KIF5A: variants seen among roughly 807,000 people sequenced by gnomAD.
The protein encoded by KIF5A is kinesin heavy chain isoform 5A.
In KIF5A, 35 loss-of-function variants were observed where a neutral mutation model predicts 141.3. That is an observed-to-expected ratio of 0.25 (90% confidence interval 0.19 to 0.33). KIF5A has a LOEUF of 0.33. Among genes scored for constraint, KIF5A ranks in the 10% least tolerant of loss-of-function variants. KIF5A has a pLI of 1.00. For synonymous variants in KIF5A, 448 were observed against 500.2 expected, an observed-to-expected ratio of 0.90 and a Z score of 1.39; for missense variants, 861 against 1,314.3, an observed-to-expected ratio of 0.66 and a Z score of 5.33.
Position 57,550,485 on chromosome 12 carries a change from C to G in KIF5A, c.129+85C>G. On this transcript the variant is annotated intron_variant, in intron 1 of 28. Transcript: ENST00000455537. This position sits in a 1 kb window ranked among gnomAD's most constrained non-coding sequence, Gnocchi z 4.6. ...CCGCAGAGCCTTAGTCTCTGCTGGT[C>G]CCTTTGCTCCCCCTCCCCGCCGCTC... The G allele has an allele frequency of 4.4e-6, 6 of 1,369,964 alleles. No homozygotes were observed. The highest frequency in any genetic ancestry group is 1.0e-6 in the Non-Finnish European group (1 of 973,654). The allele number at this position is 1,369,964 out of a possible 1,614,324, so 84.9% of individuals were successfully genotyped here.
intron 26 of KIF5A, 67 bp from the exon 27 acceptor site, chr12:57,582,535 C>T (rs1882636557): frequency 2.3e-6 from 3 of 1,304,088 alleles, no homozygotes; most frequent in Admixed American, 3.4e-5. Flanking sequence ...TTTGCGCAAA[C>T]TGTTTCTAAC....
At chr12:57,562,339 CGG>C (rs1881933320) in intron 1 of KIF5A, among the ~76,000 whole-genome samples, 1 of 152,174 alleles carries the variant, frequency 6.6e-6, no homozygotes, top group African/African-American at 2.4e-5. Flanking sequence ...CCTCAGCCTC[CGG>C]CGTAGCTGGG....
intron 28 of KIF5A, among the ~76,000 whole-genome samples, chr12:57,583,431 C>T (rs984207732): frequency 5.3e-5 from 8 of 152,128 alleles, no homozygotes; most frequent in African/African-American, 1.7e-4. Flanking sequence ...TTTTGCTTTC[C>T]GTTAGGCTAC....
In KIF5A at chr12:57,572,712, G is replaced by A. The variant is rs763336788; in HGVS notation, c.1702G>A (p.Gly568Arg). Residue 568 changes from glycine to arginine, a missense_variant, in exon 15 of 29, where the codon GGG becomes AGG. Around this residue, in one of 5 missense-constraint regions of KIF5A, gnomAD observed 482 missense variants for 661.3 expected, o/e 0.73. Transcript: ENST00000455537. The surrounding 1 kb of genome is among the most constrained non-coding windows in gnomAD (Gnocchi z 4.2). Reference protein sequence around the residue: ...LSEFSVIVGNGEIKLPVEISG... With the variant: ...LSEFSVIVGNREIKLPVEISG... ...CGAGTTCAGTGTCATTGTGGGCAAC[G>A]GGGAGATTAAGCTGGTGAGTGGTGA... The A allele has an allele frequency of 3.1e-6, 5 of 1,614,162 alleles. No homozygotes were observed. Among genetic ancestry groups the A allele is most frequent in the Admixed American group, 3.3e-5 (2 of 60,016 alleles).
At position 57,586,242 on chromosome 12, in the gene KIF5A, T is replaced by C. The variant is rs960048868; in HGVS notation, c.*2061T>C. ...GCACTTAAGAATCCAGGGGGTTTTA[T>C]GTAATGTTGCCACCACATGGTTCTT... On this transcript the variant is annotated 3_prime_UTR_variant, in exon 29 of 29. Coordinates refer to ENST00000455537, the MANE Select transcript of KIF5A (RefSeq NM_004984.4). The C allele has an allele frequency of 6.6e-6, 1 of 152,178 alleles. No individual in the cohort carries two copies. The highest frequency in any genetic ancestry group is 2.4e-5 in the African/African-American group (1 of 41,434). The allele number at this position is 152,178 out of a possible 1,614,324, so 9.4% of individuals were successfully genotyped here.
intron 8 of KIF5A, among the ~76,000 whole-genome samples, chr12:57,568,566 A>G (rs1280581705): frequency 6.6e-6 from 1 of 152,114 alleles, no homozygotes; most frequent in East Asian, 1.9e-4. Flanking sequence ...TCTCTACAAA[A>G]AATGCAAAAT....
At chr12:57,562,588 T>C (rs1229197412) in intron 1 of KIF5A, among the ~76,000 whole-genome samples, 21 of 152,192 alleles carry the variant, frequency 1.4e-4, no homozygotes, top group Non-Finnish European at 7.3e-5. Flanking sequence ...ATATATTCCT[T>C]TCACAAAGAG....
At position 57,567,516 on chromosome 12, in the gene KIF5A, G is replaced by T. The variant is rs549574149; in HGVS notation, c.612G>T (p.Arg204=). The stretch of plus-strand genomic sequence containing the variant: ...CAGACATGAATGAACACAGCTCTCG[G>T]AGCCACAGCATCTTCCTCATCAACA... The part of the protein sequence containing the change: ...AVTNMNEHSS[R]SHSIFLINIK... The change falls in exon 8 of 29, where the codon CGG becomes CGT. Residue 204 remains arginine, a synonymous_variant. Transcript: ENST00000455537. The T allele has an allele frequency of 1.2e-6, 2 of 1,613,470 alleles. No homozygotes were observed. The highest frequency in any genetic ancestry group is 2.2e-5 in the South Asian group (2 of 91,010).
intron 1 of KIF5A, among the ~76,000 whole-genome samples, chr12:57,551,146 T>C (rs1250219489): frequency 6.6e-6 from 1 of 152,086 alleles, no homozygotes; most frequent in East Asian, 1.9e-4. Context: ...ATCCTTTCTC[T>C]TGAGGATCCA....
chr12:57,570,094 A>T lies in KIF5A; in HGVS notation c.1225A>T (p.Ile409Phe). Residue 409 changes from isoleucine to phenylalanine, a missense_variant, in exon 12 of 29, where the codon ATC becomes TTC. Transcript: ENST00000455537. ...VNDNSSIVVRIAPEERQKYEE... is the reference protein window; with the variant it reads ...VNDNSSIVVRFAPEERQKYEE... ...TGACAACTCATCCATCGTGGTGCGCATCGCGCCCGAGGAGCGGCAGAAATA... is the reference window on the plus strand; with the variant it reads ...TGACAACTCATCCATCGTGGTGCGCTTCGCGCCCGAGGAGCGGCAGAAATA... 1 of 1,614,194 alleles carries T rather than the reference A, an allele frequency of 6.2e-7. No homozygotes were observed. Among genetic ancestry groups the T allele is most frequent in the Non-Finnish European group, 8.5e-7 (1 of 1,180,036 alleles).
intron 1 of KIF5A, among the ~76,000 whole-genome samples, chr12:57,554,872 G>T (rs953643693): frequency 1.3e-5 from 2 of 152,196 alleles, no homozygotes; most frequent in African/African-American, 4.8e-5. Context: ...CCATGGGGAA[G>T]GCACCAAGCC....
At position 57,570,081 on chromosome 12, in the gene KIF5A, C is replaced by T. The variant is rs1882203089; in HGVS notation, c.1212C>T (p.Ser404=). ...CEETPVNDNS[S]IVVRIAPEER... ...AGACCCCTGTGAATGACAACTCATC[C>T]ATCGTGGTGCGCATCGCGCCCGAGG... is the stretch of plus-strand genomic sequence containing the variant. The change falls in exon 12 of 29, where the codon TCC becomes TCT. Residue 404 remains serine (S), a synonymous_variant. Transcript: ENST00000455537. The T allele has an allele frequency of 2.5e-6, 4 of 1,614,072 alleles. No homozygotes were observed. The highest frequency in any genetic ancestry group is 3.4e-6 in the Non-Finnish European group (4 of 1,180,046).
At position 57,584,860 on chromosome 12, in the gene KIF5A, C is replaced by G. The variant is rs967830457; in HGVS notation, c.*679C>G. The G allele has an allele frequency of 6.6e-6, 1 of 152,276 alleles. No homozygotes were observed. Among genetic ancestry groups the G allele is most frequent in the Non-Finnish European group, 1.5e-5 (1 of 68,090 alleles). 9.4% of individuals were successfully genotyped at this position (152,276 alleles called of 1,614,324 possible). ...TTTGCCTCCCTCTTCCTGTTTTCCC[C>G]TGGACTGAGAAATGGGTTGCTCAAG... On this transcript the variant is annotated 3_prime_UTR_variant, in exon 29 of 29. Transcript: ENST00000455537.
chr12:57,583,340 C>T (rs2140173213), intron 28 of KIF5A, 125 bp downstream of exon 28: 1 of 655,150 alleles, frequency 1.5e-6, no homozygotes, highest in East Asian at 2.7e-5. Context: ...TATGTAGTTA[C>T]CCCTCAACTC....
rs1369724475 is a variant in KIF5A, at chr12:57,582,882, G to C, written c.3021-219G>C. The C allele has an allele frequency of 6.3e-6, 4 of 638,150 alleles. No homozygotes were observed. The African/African-American group carries it at 7.3e-5, about 12-fold the overall frequency. 39.5% of individuals were successfully genotyped at this position (638,150 alleles called of 1,614,324 possible). ...ATAAGGTCTGGACGAAAACAACGTGGGCATCTGACGACTGGGTTTCTCTCC... is the reference window on the plus strand; with the variant it reads ...ATAAGGTCTGGACGAAAACAACGTGCGCATCTGACGACTGGGTTTCTCTCC... On this transcript the variant is annotated intron_variant, in intron 27 of 28. Coordinates refer to ENST00000455537, the MANE Select transcript of KIF5A (RefSeq NM_004984.4).
chr12:57,561,656 G>T (rs1169836315), intron 1 of KIF5A, among the ~76,000 whole-genome samples: 1 of 152,054 alleles, frequency 6.6e-6, no homozygotes, highest in African/African-American at 2.4e-5. Flanking sequence ...AAGAATAAAC[G>T]ATTATTTCTT....
At chr12:57,575,969 C>T in intron 17 of KIF5A, 118 bp from the exon 18 acceptor site, 1 of 1,037,280 alleles carries the variant, frequency 9.6e-7, no homozygotes, top group Non-Finnish European at 1.5e-6. Context: ...ACAGTCCTAA[C>T]ACAGAAGAAC....
At chr12:57,574,770 G>A (rs1243288703) in intron 15 of KIF5A, among the ~76,000 whole-genome samples, 1 of 151,144 alleles carries the variant, frequency 6.6e-6, no homozygotes, top group African/African-American at 2.4e-5. Flanking sequence ...AGTAGAGACA[G>A]GGTTTCACCA....
At chr12:57,570,717 T>C (rs1016252991) in intron 12 of KIF5A, among the ~76,000 whole-genome samples, 2 of 152,204 alleles carry the variant, frequency 1.3e-5, no homozygotes, top group Non-Finnish European at 2.9e-5. Flanking sequence ...ATTTTTTTCA[T>C]TCAGCATTAT....
Sources: allele counts gnomAD v4.1 joint callset (sites outside exome capture counted in the v4.1 genomes callset), GRCh38; gene constraint gnomAD v4.1.1; regional missense constraint gnomAD v4.1.1; non-coding constraint Gnocchi (gnomAD v3.1); transcripts MANE v1.5; gene names NCBI Gene and HGNC (gene_info 2026-07-23, HGNC 2026-07-21).